TUBGCP3: variants seen among roughly 807,000 people sequenced by gnomAD.
TUBGCP3 encodes tubulin gamma complex component 3, also known as gamma-tubulin complex component 3.
Under a neutral mutation model 123.1 loss-of-function variants are expected in TUBGCP3, and 50 were observed. The observed-to-expected ratio is 0.41, with a 90% confidence interval of 0.32 to 0.51. The LOEUF is 0.51. Ranked by LOEUF, TUBGCP3 falls within the 20% of genes least tolerant of loss-of-function variation. The probability of loss-of-function intolerance (pLI) is 0.36; values close to 1 mark genes in which losing one functional copy is unlikely to be tolerated. For missense variants in TUBGCP3, 882 were observed against 1,127.0 expected (o/e 0.78, Z 3.11); for synonymous variants, 405 against 413.9 (o/e 0.98, Z 0.26).
chr13:112,570,578 A>G (rs1881319399), intron 1 of TUBGCP3, among the ~76,000 whole-genome samples: 1 of 152,234 alleles, frequency 6.6e-6, no homozygotes, highest in Non-Finnish European at 1.5e-5. Context: ...GCCTTCAGCA[A>G]GTCGAAATCT....
At chr13:112,543,322 T>C (rs1464296078) in intron 11 of TUBGCP3, among the ~76,000 whole-genome samples, 1 of 152,134 alleles carries the variant, frequency 6.6e-6, no homozygotes, top group African/African-American at 2.4e-5. Flanking sequence ...ATTAGTAAAA[T>C]AAAACACACC....
At chr13:112,546,124 A>C in intron 10 of TUBGCP3, 1 of 383,278 alleles carries the variant, frequency 2.6e-6, no homozygotes, top group Non-Finnish European at 4.7e-6. Flanking sequence ...TTTTTCAGAA[A>C]CAAAAAGTAG....
chr13:112,492,304 C>T (rs1239314792), intron 20 of TUBGCP3, among the ~76,000 whole-genome samples: 3 of 152,228 alleles, frequency 2.0e-5, no homozygotes, highest in Non-Finnish European at 2.9e-5. Flanking sequence ...ACAATATTTA[C>T]ACTACTTCCC....
chr13:112,503,359 T>G (rs1281264121), intron 19 of TUBGCP3, among the ~76,000 whole-genome samples: 1 of 152,046 alleles, frequency 6.6e-6, no homozygotes, highest in African/African-American at 2.4e-5. Flanking sequence ...CATGGTTTTT[T>G]GTTGTTGTTG....
At chr13:112,492,847 G>GA (rs1236985276) in intron 20 of TUBGCP3, among the ~76,000 whole-genome samples, 2 of 149,444 alleles carry the variant, frequency 1.3e-5, no homozygotes, top group African/African-American at 4.9e-5. Flanking sequence ...TGGTGTGCCT[G>GA]AAACACTCTA....
chr13:112,503,430 C>T (rs1042406019), intron 19 of TUBGCP3, among the ~76,000 whole-genome samples: 16 of 152,096 alleles, frequency 1.1e-4, no homozygotes, highest in African/African-American at 3.6e-4. Flanking sequence ...AGTGCAGTGG[C>T]GTGATCTCGG....
At chr13:112,598,945 C>CAAAAA in the TUBGCP3 span, among the ~76,000 whole-genome samples, 1 of 71,612 alleles carries the variant, frequency 1.4e-5, no homozygotes, top group Non-Finnish European at 2.7e-5. Context: ...GACTCCGTCT[C>CAAAAA]AAAAAAAAAA....
intron 20 of TUBGCP3, among the ~76,000 whole-genome samples, chr13:112,495,434 T>G (rs1186597795): frequency 6.6e-6 from 1 of 152,238 alleles, no homozygotes; most frequent in Non-Finnish European, 1.5e-5. Context: ...AATGATGTCT[T>G]ATTATAAAAT....
chr13:112,558,890 A>G (rs1474160757), intron 4 of TUBGCP3, among the ~76,000 whole-genome samples: 1 of 152,200 alleles, frequency 6.6e-6, no homozygotes, highest in Non-Finnish European at 1.5e-5. Flanking sequence ...GAGCACTGGA[A>G]TCACTCTGAC....
chr13:112,558,442 GAC>G (rs1242092680), intron 4 of TUBGCP3, 29 bp from the exon 5 acceptor site: 3 of 1,502,700 alleles, frequency 2.0e-6, no homozygotes, highest in Non-Finnish European at 2.7e-6. Flanking sequence ...TAAGAGCAGA[GAC>G]AGGAAATTAC....
chr13:112,495,939 A>AT (rs1440979225), intron 20 of TUBGCP3, among the ~76,000 whole-genome samples: 2 of 152,166 alleles, frequency 1.3e-5, no homozygotes, highest in Non-Finnish European at 2.9e-5. Context: ...TTGGCAAAAA[A>AT]TTTTTAAAAA....
At position 112,533,679 on chromosome 13, in the gene TUBGCP3, C is replaced by T. The variant is rs527847370; in HGVS notation, c.1336-6195G>A. Among the ~76,000 whole-genome samples the T allele has an allele frequency of 2.6e-5, 4 of 151,710 alleles. No individual in the cohort carries two copies. The East Asian group carries it at 5.8e-4, about 22-fold the overall frequency. ...GCAGGTGCTTTGAAATAGGCACTAA[C>T]CCTTAATGTGCTAAATTTTATTTAT... On this transcript the variant is annotated intron_variant, in intron 11 of 21. Coordinates refer to ENST00000261965, the MANE Select transcript of TUBGCP3 (RefSeq NM_006322.6).
chr13:112,604,206 TG>T, the TUBGCP3 span: 1 of 152,278 alleles, frequency 6.6e-6, no homozygotes, highest in African/African-American at 2.4e-5. Flanking sequence ...TATGGCTTTT[TG>T]TTTTCAATTC....
At chr13:112,569,021 G>C (rs935835696) in intron 2 of TUBGCP3, 131 bp downstream of exon 2, 1 of 736,984 alleles carries the variant, frequency 1.4e-6, no homozygotes, top group Non-Finnish European at 2.2e-6. Context: ...GAATTGACTT[G>C]TCCTTATTTT....
intron 11 of TUBGCP3, among the ~76,000 whole-genome samples, chr13:112,537,900 A>G (rs967800115): frequency 1.0e-3 from 159 of 152,306 alleles, no homozygotes; most frequent in African/African-American, 3.7e-3. Flanking sequence ...CTCAAGTTTT[A>G]TCTATCTAGA....
At chr13:112,490,917 T>G (rs974851403) in intron 20 of TUBGCP3, among the ~76,000 whole-genome samples, 2 of 152,170 alleles carry the variant, frequency 1.3e-5, no homozygotes, top group African/African-American at 4.8e-5. Flanking sequence ...CAATTTCCTT[T>G]CTCTCATGGG....
chr13:112,505,694 T>C (rs1298388064), intron 17 of TUBGCP3, among the ~76,000 whole-genome samples: 2 of 152,248 alleles, frequency 1.3e-5, no homozygotes, highest in East Asian at 1.9e-4. Flanking sequence ...GAGGAGGAGA[T>C]AGAATTCTAA....
At chr13:112,592,223 G>T (rs1392087040), upstream of TUBGCP3, among the ~76,000 whole-genome samples, 3 of 152,350 alleles carry the variant, frequency 2.0e-5, no homozygotes, top group East Asian at 5.8e-4. The surrounding 1 kb of genome is among the most constrained non-coding windows in gnomAD (Gnocchi z 4.1). Flanking sequence ...TAGGTAGTCT[G>T]AATAATTCAA....
At chr13:112,513,087 G>C (rs1594127199) in intron 17 of TUBGCP3, among the ~76,000 whole-genome samples, 1 of 152,198 alleles carries the variant, frequency 6.6e-6, no homozygotes, top group South Asian at 2.1e-4. Flanking sequence ...GGAAAGGGAG[G>C]GAAGCTGAGG....
Sources: allele counts gnomAD v4.1 joint callset (sites outside exome capture counted in the v4.1 genomes callset), GRCh38; gene constraint gnomAD v4.1.1; non-coding constraint Gnocchi (gnomAD v3.1); transcripts MANE v1.5; gene names NCBI Gene and HGNC (gene_info 2026-07-23, HGNC 2026-07-21).